The following CNTNAP2 variants were observed in gnomAD, a reference collection of about 807,000 sequenced individuals.
CNTNAP2 encodes contactin associated protein 2.
Under a neutral mutation model 155.2 loss-of-function variants are expected in CNTNAP2, and 98 were observed. The ratio of observed to expected loss-of-function variants is 0.63; its 90% CI spans 0.54 to 0.75. The LOEUF (loss-of-function observed/expected upper bound fraction) is 0.75, where lower values mean the gene tolerates loss of function less well. CNTNAP2 is among the 30% of genes least tolerant of loss of function. CNTNAP2 has a pLI of 0.00. For missense variants in CNTNAP2, 1,727 were observed against 1,688.1 expected (o/e 1.02, Z -0.40); for synonymous variants, 651 against 631.2 (o/e 1.03, Z -0.47).
At chr7:146,468,183 A>T (rs532603095) in intron 1 of CNTNAP2, among the ~76,000 whole-genome samples, 1 of 152,316 alleles carries the variant, frequency 6.6e-6, no homozygotes, top group African/African-American at 2.4e-5. Flanking sequence ...AAGAAAACTA[A>T]GAATAATAAC....
chr7:148,304,625 G>T (rs999661115), intron 21 of CNTNAP2, among the ~76,000 whole-genome samples: 4 of 152,186 alleles, frequency 2.6e-5, no homozygotes, highest in African/African-American at 9.7e-5. Context: ...AGTGGGTGTA[G>T]CTGGGTGCTG....
chr7:147,826,501 T>C (rs1030867399), intron 13 of CNTNAP2, among the ~76,000 whole-genome samples: 2 of 152,210 alleles, frequency 1.3e-5, no homozygotes, highest in African/African-American at 4.8e-5. Flanking sequence ...AGTTTAATAC[T>C]GGCCAGAGAA....
At chr7:147,963,168 A>C (rs547015767) in intron 14 of CNTNAP2, among the ~76,000 whole-genome samples, 1 of 152,316 alleles carries the variant, frequency 6.6e-6, no homozygotes, top group African/African-American at 2.4e-5. Flanking sequence ...AGAGTATTAC[A>C]TCACTAGAGT....
chr7:148,336,082 AC>A (rs1279455152), intron 21 of CNTNAP2, among the ~76,000 whole-genome samples: 2 of 152,206 alleles, frequency 1.3e-5, no homozygotes, highest in African/African-American at 4.8e-5. Context: ...GCCTCTCATT[AC>A]AGAACTAGAT....
intron 1 of CNTNAP2, among the ~76,000 whole-genome samples, chr7:146,350,111 A>T (rs1794889840): frequency 6.6e-6 from 1 of 152,136 alleles, no homozygotes; most frequent in Non-Finnish European, 1.5e-5. Context: ...TACACCAATC[A>T]GATGTAGATT....
intron 18 of CNTNAP2, among the ~76,000 whole-genome samples, chr7:148,199,806 C>T (rs1424605029): frequency 1.3e-5 from 2 of 152,146 alleles, no homozygotes; most frequent in Admixed American, 6.5e-5. Context: ...TGGAAATTGG[C>T]TCATGTTATT....
At chr7:148,029,034 T>C (rs1442574459) in intron 15 of CNTNAP2, among the ~76,000 whole-genome samples, 2 of 152,196 alleles carry the variant, frequency 1.3e-5, no homozygotes, top group Non-Finnish European at 2.9e-5. Flanking sequence ...TTATTAAAAT[T>C]TCATTATTTT....
intron 22 of CNTNAP2, among the ~76,000 whole-genome samples, chr7:148,393,814 G>A (rs2717791): frequency 0.37 from 55,904 of 151,864 alleles, 12,504 homozygotes; most frequent in East Asian, 0.68. Context: ...CATTAATTAT[G>A]AGTTGGGTTA....
chr7:146,456,928 C>T (rs1178659230), intron 1 of CNTNAP2, among the ~76,000 whole-genome samples: 1 of 152,062 alleles, frequency 6.6e-6, no homozygotes, highest in Non-Finnish European at 1.5e-5. Context: ...ATCATCTAAT[C>T]CACAAAGTAT....
intron 15 of CNTNAP2, among the ~76,000 whole-genome samples, chr7:148,064,141 T>A (rs749270801): frequency 3.9e-5 from 6 of 152,276 alleles, no homozygotes; most frequent in Admixed American, 2.0e-4. Flanking sequence ...AGCCTTATAG[T>A]ATAGCTTGAA....
intron 10 of CNTNAP2, among the ~76,000 whole-genome samples, chr7:147,413,418 A>T (rs1797136493): frequency 6.6e-6 from 1 of 152,200 alleles, no homozygotes; most frequent in Non-Finnish European, 1.5e-5. Flanking sequence ...AGGGCGGTTG[A>T]TACAGATCAG....
chr7:147,527,823 G>A (rs1027697574), intron 11 of CNTNAP2, among the ~76,000 whole-genome samples: 1 of 152,196 alleles, frequency 6.6e-6, no homozygotes, highest in African/African-American at 2.4e-5. Context: ...TAAGACCCAG[G>A]CTGGCCTGAG....
intron 11 of CNTNAP2, among the ~76,000 whole-genome samples, chr7:147,503,487 C>T (rs1192217268): frequency 6.6e-6 from 1 of 152,116 alleles, no homozygotes; most frequent in African/African-American, 2.4e-5. Context: ...CACACCTGCT[C>T]CTGTCCAGCA....
intron 1 of CNTNAP2, among the ~76,000 whole-genome samples, chr7:146,544,422 C>G (rs1323264590): frequency 1.3e-5 from 2 of 152,006 alleles, no homozygotes; most frequent in African/African-American, 4.8e-5. Context: ...TCCGCTACAT[C>G]TTACTGAATT....
intron 13 of CNTNAP2, among the ~76,000 whole-genome samples, chr7:147,649,334 G>T (rs1020211174): frequency 6.6e-6 from 1 of 152,106 alleles, no homozygotes; most frequent in Non-Finnish European, 1.5e-5. Flanking sequence ...TTTTGATTCT[G>T]AAAAGCCATG....
chr7:147,183,509 C>G (rs977378847), intron 8 of CNTNAP2, among the ~76,000 whole-genome samples: 1 of 152,056 alleles, frequency 6.6e-6, no homozygotes, highest in Non-Finnish European at 1.5e-5. Flanking sequence ...CGTTAGTTGC[C>G]TTTTCAGCAT....
intron 1 of CNTNAP2, among the ~76,000 whole-genome samples, chr7:146,121,071 T>A (rs915748692): frequency 1.5e-4 from 22 of 151,236 alleles, no homozygotes; most frequent in Admixed American, 1.4e-3. Context: ...TAGTAAATTC[T>A]TCTAGACAAA....
chr7:146,836,031 A>C (rs1327974787), intron 2 of CNTNAP2, among the ~76,000 whole-genome samples: 3 of 152,174 alleles, frequency 2.0e-5, no homozygotes, highest in African/African-American at 7.2e-5. Context: ...CTGAAGAGGA[A>C]TTACAGCTAA....
intron 1 of CNTNAP2, among the ~76,000 whole-genome samples, chr7:146,292,583 A>T (rs1194286308): frequency 1.3e-5 from 2 of 151,568 alleles, no homozygotes; most frequent in Non-Finnish European, 1.5e-5. Flanking sequence ...TTCCTCAGAT[A>T]TTAAAAATAG....
Sources: gnomAD v4.1 joint callset for allele counts (sites outside exome capture counted in the v4.1 genomes callset) on GRCh38, gnomAD v4.1.1 for gene constraint, MANE v1.5 for transcripts, NCBI Gene and HGNC (gene_info 2026-07-23, HGNC 2026-07-21) for gene names.